The following FAM53B variants were observed in gnomAD, a reference collection of about 807,000 sequenced individuals.
The protein encoded by FAM53B is protein FAM53B.
FAM53B carries 12 observed loss-of-function variants against 32.7 expected under a neutral mutation model. That is an observed-to-expected ratio of 0.37 (90% CI 0.24 to 0.59). The LOEUF (loss-of-function observed/expected upper bound fraction) is 0.59, where lower values mean the gene tolerates loss of function less well. Ranked by LOEUF, FAM53B falls within the 20% of genes least tolerant of loss-of-function variation. FAM53B has a pLI of 0.72. For synonymous variants in FAM53B, 234 were observed against 228.7 expected, an observed-to-expected ratio of 1.02 and a Z score of -0.21; for missense variants, 477 against 577.7, an observed-to-expected ratio of 0.83 and a Z score of 1.79.
At chr10:124,629,430 G>A (rs774033530) in intron 4 of FAM53B, among the ~76,000 whole-genome samples, 4 of 152,136 alleles carry the variant, frequency 2.6e-5, no homozygotes, top group South Asian at 4.1e-4. Flanking sequence ...GTTTTATGGC[G>A]CTCTGTGTTA....
chr10:124,653,222 T>C (rs1409936934), intron 4 of FAM53B, among the ~76,000 whole-genome samples: 1 of 152,176 alleles, frequency 6.6e-6, no homozygotes, highest in Non-Finnish European at 1.5e-5. Flanking sequence ...GAGAAGCCCA[T>C]AGGCTTGGAT....
At chr10:124,672,875 C>A (rs1478883136) in intron 4 of FAM53B, among the ~76,000 whole-genome samples, 1 of 152,130 alleles carries the variant, frequency 6.6e-6, no homozygotes, top group Non-Finnish European at 1.5e-5. Flanking sequence ...CAAAATAGGT[C>A]ATGGTGATCC....
At chr10:124,724,103 A>G (rs925683793) in intron 1 of FAM53B, among the ~76,000 whole-genome samples, 2 of 152,224 alleles carry the variant, frequency 1.3e-5, no homozygotes, top group Non-Finnish European at 1.5e-5. Context: ...GTGTCATACG[A>G]TAATAAATCC....
chr10:124,642,545 T>C (rs897305), intron 4 of FAM53B, among the ~76,000 whole-genome samples: 142,973 of 152,310 alleles, frequency 0.94, 67,710 homozygotes, highest in Non-Finnish European at 1. Flanking sequence ...GGCTTGCAGG[T>C]GTCCCGCTCT....
At chr10:124,710,852 T>G (rs1006443809) in intron 1 of FAM53B, among the ~76,000 whole-genome samples, 9 of 152,210 alleles carry the variant, frequency 5.9e-5, no homozygotes, top group Non-Finnish European at 1.2e-4. Context: ...AAGCTGGGAT[T>G]TGAACCCTGG....
At chr10:124,654,250 C>A (rs1949572582) in intron 4 of FAM53B, among the ~76,000 whole-genome samples, 1 of 152,244 alleles carries the variant, frequency 6.6e-6, no homozygotes, top group African/African-American at 2.4e-5. Flanking sequence ...TCATGCAACG[C>A]TATGGTGCTC....
chr10:124,632,039 C>T (rs1949394329), intron 4 of FAM53B, among the ~76,000 whole-genome samples: 1 of 152,248 alleles, frequency 6.6e-6, no homozygotes, highest in South Asian at 2.1e-4. Context: ...TTGCACAGCC[C>T]TGGGGTCCTG....
intron 4 of FAM53B, among the ~76,000 whole-genome samples, chr10:124,630,429 C>T (rs566857769): frequency 1.7e-4 from 26 of 152,246 alleles, no homozygotes; most frequent in African/African-American, 5.3e-4. Context: ...AAAAGAAAAG[C>T]GGGGGACAGC....
intron 4 of FAM53B, among the ~76,000 whole-genome samples, chr10:124,652,456 C>T (rs1949562273): frequency 6.6e-6 from 1 of 152,130 alleles, no homozygotes; most frequent in Non-Finnish European, 1.5e-5. Flanking sequence ...AAGAAGGGGC[C>T]CGGCCCACAG....
chr10:124,719,609 G>C (rs1442247388), intron 1 of FAM53B, among the ~76,000 whole-genome samples: 1 of 152,210 alleles, frequency 6.6e-6, no homozygotes, highest in Non-Finnish European at 1.5e-5. Flanking sequence ...AGACTGCCAA[G>C]TACACCAGCT....
At chr10:124,710,976 T>C (rs989356438) in intron 1 of FAM53B, among the ~76,000 whole-genome samples, 3 of 152,228 alleles carry the variant, frequency 2.0e-5, no homozygotes, top group Non-Finnish European at 4.4e-5. Flanking sequence ...TTAGCATTTA[T>C]TCCAGAGAGA....
At chr10:124,713,457 T>G (rs533490388) in intron 1 of FAM53B, 2 of 152,376 alleles carry the variant, frequency 1.3e-5, no homozygotes, top group Admixed American at 6.5e-5. Context: ...TTCATTTGTT[T>G]GCAACCGCTG....
At chr10:124,708,847 T>C (rs555536513) in intron 1 of FAM53B, among the ~76,000 whole-genome samples, 1 of 152,346 alleles carries the variant, frequency 6.6e-6, no homozygotes, top group South Asian at 2.1e-4. Flanking sequence ...GTGGGCTCAG[T>C]AGCTACAGAG....
chr10:124,621,315 T>G lies in FAM53B; in HGVS notation c.*1927A>C, dbSNP rs1442812719. The G allele has an allele frequency of 6.6e-6, 1 of 152,338 alleles. No individual in the cohort carries two copies. Among genetic ancestry groups the G allele is most frequent in the Non-Finnish European group, 1.5e-5 (1 of 68,118 alleles). The allele number at this position is 152,338 out of a possible 1,614,324, so 9.4% of individuals were successfully genotyped here. A position where few individuals can be genotyped will look rare whatever the true frequency, so the allele number is the denominator to read the frequency against. On this transcript the variant is annotated 3_prime_UTR_variant, in exon 5 of 5. Coordinates refer to ENST00000337318, the MANE Select transcript of FAM53B (RefSeq NM_014661.4). ...CAACTGCCCTGGCCGCCTCCACATT[T>G]GCTCTAAGAAGACATGGTCTCCATG... is the stretch of plus-strand genomic sequence containing the variant.
At chr10:124,667,436 C>T (rs776309233) in intron 4 of FAM53B, 13 of 765,606 alleles carry the variant, frequency 1.7e-5, no homozygotes, top group South Asian at 1.7e-4. Context: ...GGAGAAAATA[C>T]AACAGGTGAG....
At position 124,652,147 on chromosome 10, in the gene FAM53B, C is replaced by T. The variant is rs78028931; in HGVS notation, c.907-28543G>A. Among the ~76,000 whole-genome samples the T allele has an allele frequency of 2.7e-3, 404 of 152,318 alleles. 3 individuals carry two copies. The highest frequency in any genetic ancestry group is 9.3e-3 in the African/African-American group (387 of 41,572). ...TCTTCCACTTGGGTCCCAAGACTTT[C>T]CCAAGTTTGTCCCTGCCGGTGTCCA... On this transcript the variant is annotated intron_variant, in intron 4 of 4. Coordinates refer to ENST00000337318, the MANE Select transcript of FAM53B (RefSeq NM_014661.4).
intron 4 of FAM53B, among the ~76,000 whole-genome samples, chr10:124,672,054 G>A (rs2134063202): frequency 6.6e-6 from 1 of 152,320 alleles, no homozygotes; most frequent in African/African-American, 2.4e-5. Flanking sequence ...TACATAAATG[G>A]GCTCCTGTCA....
intron 4 of FAM53B, among the ~76,000 whole-genome samples, chr10:124,632,687 G>A (rs561925876): frequency 6.6e-6 from 1 of 152,336 alleles, no homozygotes; most frequent in South Asian, 2.1e-4. Flanking sequence ...CTTCCATGGA[G>A]GGCACACTCT....
At position 124,623,141 on chromosome 10, in the gene FAM53B, T is replaced by A. The variant is rs1358178818; in HGVS notation, c.*101A>T. On this transcript the variant is annotated 3_prime_UTR_variant, in exon 5 of 5. Coordinates refer to ENST00000337318, the MANE Select transcript of FAM53B (RefSeq NM_014661.4). ...CCCGACACCACTCAGGAAGCTTTCA[T>A]CAGGCCCACGAGTTGGGCTCCCCTT... is the stretch of plus-strand genomic sequence containing the variant. The A allele has an allele frequency of 7.0e-7, 1 of 1,432,926 alleles. No homozygotes were observed. Among genetic ancestry groups the A allele is most frequent in the Admixed American group, 2.4e-5 (1 of 42,206 alleles). 88.8% of individuals were successfully genotyped at this position (1,432,926 alleles called of 1,614,324 possible).
Sources: allele counts gnomAD v4.1 joint callset (sites outside exome capture counted in the v4.1 genomes callset), GRCh38; gene constraint gnomAD v4.1.1; transcripts MANE v1.5; gene names NCBI Gene and HGNC (gene_info 2026-07-23, HGNC 2026-07-21).